The following DMD variants were observed in gnomAD, a reference collection of about 807,000 sequenced individuals.
The protein encoded by DMD is mutant dystrophin.
Under a neutral mutation model 330.1 loss-of-function variants are expected in DMD, and 63 were observed. The ratio of observed to expected loss-of-function variants is 0.19; its 90% CI spans 0.16 to 0.24. The LOEUF (loss-of-function observed/expected upper bound fraction) is 0.24. Ranked by LOEUF, DMD falls within the 10% of genes least tolerant of loss-of-function variation. The pLI, the probability that DMD is intolerant of heterozygous loss-of-function variation, is 1.00. For synonymous variants in DMD, 1,223 were observed against 959.8 expected (o/e 1.27, Z -5.07); for missense variants, 3,344 against 2,684.1 (o/e 1.25, Z -5.43).
At chrX:32,926,524 C>T (rs768835475) in intron 2 of DMD, among the ~76,000 whole-genome samples, 3 of 110,927 alleles carry the variant, frequency 2.7e-5, no homozygotes, top group African/African-American at 9.8e-5. Flanking sequence ...CGGAAGCGGG[C>T]GGATTGCCTG....
intron 66 of DMD, 113 bp downstream of exon 66, chrX:31,206,469 A>G (rs2044075825): frequency 2.9e-6 from 2 of 686,866 alleles, no homozygotes; most frequent in Admixed American, 5.4e-5. Flanking sequence ...GCAGTTCTAC[A>G]TCTTACATGA....
rs59528227 is a variant in DMD, at chrX:32,727,804, TTTTA to T, written c.650-28515_650-28512del. On this transcript the variant is annotated intron_variant, in intron 7 of 78. Transcript: ENST00000357033. The stretch of plus-strand genomic sequence containing the variant: ...GCCTTTAAAATATATTCCAATTCAC[TTTTA>T]TTTACCAAATTAGACTGCTGTAAAA... 1.8e-3 allele frequency among the ~76,000 whole-genome samples: 200 copies of T among 111,253 alleles called. 1 individual carries two copies. In the East Asian group the frequency reaches 0.02, roughly 11 times the overall value.
At chrX:31,694,816 T>C (rs1358826649) in intron 52 of DMD, among the ~76,000 whole-genome samples, 1 of 108,420 alleles carries the variant, frequency 9.2e-6, no homozygotes, top group Non-Finnish European at 1.9e-5. Context: ...TATCCACTAT[T>C]GGTAGTATTG....
intron 50 of DMD, among the ~76,000 whole-genome samples, chrX:31,806,055 A>T (rs937959562): frequency 8.0e-5 from 9 of 112,100 alleles, no homozygotes; most frequent in African/African-American, 2.6e-4. Context: ...TTCAACAAAG[A>T]TCTTCTGGCT....
At chrX:31,479,693 T>C (rs766449526) in intron 57 of DMD, among the ~76,000 whole-genome samples, 1 of 112,327 alleles carries the variant, frequency 8.9e-6, no homozygotes, top group Admixed American at 9.4e-5. Flanking sequence ...TAGAAATGTT[T>C]TGAGCTATTA....
chrX:32,444,552 C>T (rs1312975305), intron 27 of DMD, among the ~76,000 whole-genome samples: 1 of 110,945 alleles, frequency 9.0e-6, no homozygotes, highest in Non-Finnish European at 1.9e-5. Flanking sequence ...TTTTGGAGAA[C>T]TGTACAATAA....
chrX:33,042,170 C>A (rs1451798299), intron 1 of DMD, among the ~76,000 whole-genome samples: 1 of 111,735 alleles, frequency 8.9e-6, no homozygotes, highest in Non-Finnish European at 1.9e-5. Context: ...ACAACCTCTG[C>A]TATATGACTA....
chrX:32,124,047 A>G (rs1179678359), intron 44 of DMD, among the ~76,000 whole-genome samples: 1 of 112,181 alleles, frequency 8.9e-6, no homozygotes, highest in Non-Finnish European at 1.9e-5. Flanking sequence ...AATCTATTCA[A>G]TTTAACAAAA....
chrX:31,142,347 G>A (rs1017644635), intron 76 of DMD, among the ~76,000 whole-genome samples: 2 of 111,003 alleles, frequency 1.8e-5, no homozygotes, highest in African/African-American at 6.6e-5. Context: ...CTATATACAC[G>A]CATGAATATG....
At chrX:32,630,275 T>C (rs2146594664) in intron 11 of DMD, among the ~76,000 whole-genome samples, 1 of 111,661 alleles carries the variant, frequency 9.0e-6, no homozygotes, top group Admixed American at 9.5e-5. Context: ...CCTGGAAGTT[T>C]TCCACTGAAA....
chrX:32,314,819 A>T (rs979510542), intron 41 of DMD, among the ~76,000 whole-genome samples: 2 of 112,124 alleles, frequency 1.8e-5, no homozygotes, highest in Non-Finnish European at 3.8e-5. Context: ...AGAGAAATGC[A>T]AGTCAAAACC....
At chrX:32,404,661 C>A (rs1430382517) in intron 30 of DMD, among the ~76,000 whole-genome samples, 2 of 110,758 alleles carry the variant, frequency 1.8e-5, no homozygotes, top group Non-Finnish European at 3.8e-5. Context: ...ATCAAAGATT[C>A]AAAACTAAAA....
intron 45 of DMD, among the ~76,000 whole-genome samples, chrX:31,952,565 G>T (rs2095197979): frequency 9.2e-6 from 1 of 108,698 alleles, no homozygotes; most frequent in Non-Finnish European, 1.9e-5. Flanking sequence ...TATATAGTGT[G>T]TATCTTTTAG....
intron 60 of DMD, among the ~76,000 whole-genome samples, chrX:31,415,280 T>G (rs894138447): frequency 5.3e-5 from 6 of 112,769 alleles, no homozygotes; most frequent in African/African-American, 1.9e-4. Context: ...AGACTTCTCT[T>G]ATTTCCTTTC....
intron 2 of DMD, among the ~76,000 whole-genome samples, chrX:33,008,991 C>T (rs1252219555): frequency 2.2e-5 from 2 of 91,685 alleles, no homozygotes; most frequent in Non-Finnish European, 4.4e-5. Context: ...TGTATATATA[C>T]GTGTGTATAT....
intron 7 of DMD, among the ~76,000 whole-genome samples, chrX:32,763,507 T>C (rs1201419931): frequency 1.8e-5 from 2 of 111,836 alleles, no homozygotes; most frequent in Non-Finnish European, 3.8e-5. Context: ...TTGGCACTTG[T>C]CAGCCTATGA....
At chrX:31,721,410 T>C (rs780165155) in intron 52 of DMD, among the ~76,000 whole-genome samples, 83 of 110,001 alleles carry the variant, frequency 7.5e-4, no homozygotes, top group African/African-American at 2.6e-3. Flanking sequence ...AATTTTGAAG[T>C]CCTTAAGAGA....
intron 17 of DMD, among the ~76,000 whole-genome samples, chrX:32,527,830 A>G (rs892675930): frequency 2.0e-4 from 22 of 111,232 alleles, no homozygotes; most frequent in Non-Finnish European, 4.1e-4. Context: ...TCTCCAAATC[A>G]AGATAGTTTG....
intron 1 of DMD, among the ~76,000 whole-genome samples, chrX:33,123,026 G>A (rs1382122658): frequency 1.8e-5 from 2 of 111,978 alleles, no homozygotes; most frequent in Non-Finnish European, 3.8e-5. Context: ...TTATAACACG[G>A]GATTTTTACT....
Sources: gnomAD v4.1 joint callset for allele counts (sites outside exome capture counted in the v4.1 genomes callset) on GRCh38, gnomAD v4.1.1 for gene constraint, MANE v1.5 for transcripts, NCBI Gene and HGNC (gene_info 2026-07-23, HGNC 2026-07-21) for gene names.